Variants in COMMD10 observed in about 807,000 individuals in gnomAD.
The protein encoded by COMMD10 is COMM domain containing 10.
Under a neutral mutation model 28.9 loss-of-function variants are expected in COMMD10, and 33 were observed. The ratio of observed to expected loss-of-function variants is 1.14; its 90% CI spans 0.87 to 1.53. COMMD10 has a LOEUF of 1.53. COMMD10 is among the 40% of genes most tolerant of loss of function. COMMD10 has a pLI of 0.00. For synonymous variants in COMMD10, 110 were observed against 81.7 expected (o/e 1.35, Z -1.87); for missense variants, 310 against 233.4 (o/e 1.33, Z -2.14).
intron 5 of COMMD10, among the ~76,000 whole-genome samples, chr5:116,233,218 A>C (rs1580568741): frequency 6.6e-6 from 1 of 152,100 alleles, no homozygotes; most frequent in East Asian, 1.9e-4. Context: ...TGTGAGAGAG[A>C]AAGACTACAT....
intron 3 of COMMD10, among the ~76,000 whole-genome samples, chr5:116,091,512 G>C (rs747728188): frequency 1.3e-5 from 2 of 152,154 alleles, no homozygotes; most frequent in Admixed American, 6.5e-5. Flanking sequence ...AAGACATTTA[G>C]AAAAGAAGTA....
intron 5 of COMMD10, among the ~76,000 whole-genome samples, chr5:116,269,273 A>G (rs979065130): frequency 1.3e-5 from 2 of 151,784 alleles, no homozygotes; most frequent in Admixed American, 6.6e-5. Flanking sequence ...TGATCATAGT[A>G]TTTCTAGAGG....
chr5:116,092,732 CA>C lies in COMMD10; in HGVS notation c.399+34del, dbSNP rs1580437487. 4 of 1,439,810 alleles carry C rather than the reference CA, an allele frequency of 2.8e-6. No homozygotes were observed. The African/African-American group carries it at 4.3e-5, about 15-fold the overall frequency. 89.2% of individuals were successfully genotyped at this position (1,439,810 alleles called of 1,614,324 possible). A position where few individuals can be genotyped will look rare whatever the true frequency, so the allele number is the denominator to read the frequency against. On this transcript the variant is annotated intron_variant, in intron 4 of 6. Transcript: ENST00000274458. The stretch of plus-strand genomic sequence containing the variant: ...AACATACTGTCTTAAATATGTTTTT[CA>C]ATAACATATGGCATAAATTATTATA...
rs1446292879 is a variant in COMMD10, at chr5:116,291,504, T to C, written c.511-13T>C. On this transcript the variant is annotated splice_polypyrimidine_tract_variant and intron_variant, in intron 5 of 6. Transcript: ENST00000274458. ...TGCAACTACATTCTTTTTGTTGTTT[T>C]TCTTCCTTACAGAGCCTGGAGAAAG... The C allele has an allele frequency of 2.5e-6, 4 of 1,587,814 alleles. No individual in the cohort carries two copies. The highest frequency in any genetic ancestry group is 1.1e-5 in the South Asian group (1 of 87,170).
At position 116,273,649 on chromosome 5, in the gene COMMD10, C is replaced by T. The variant is rs191143938; in HGVS notation, c.511-17868C>T. On this transcript the variant is annotated intron_variant, in intron 5 of 6. Coordinates refer to ENST00000274458, the MANE Select transcript of COMMD10 (RefSeq NM_016144.4). ...AACATTAAACCAAATTGTGAAGCTT[C>T]GTTATGCTATGAGTCATTTCAGGCA... 1.8e-3 allele frequency among the ~76,000 whole-genome samples: 266 copies of T among 151,788 alleles called. 4 individuals are homozygous for T. Among genetic ancestry groups the T allele is most frequent in the African/African-American group, 6.1e-3 (251 of 41,234 alleles).
At chr5:116,219,469 T>C (rs888373547) in intron 5 of COMMD10, among the ~76,000 whole-genome samples, 1 of 152,062 alleles carries the variant, frequency 6.6e-6, no homozygotes, top group Non-Finnish European at 1.5e-5. Flanking sequence ...TAAATGTCCT[T>C]ATAAGAGAGA....
At chr5:116,140,563 C>G (rs1161826619) in intron 5 of COMMD10, among the ~76,000 whole-genome samples, 1 of 151,862 alleles carries the variant, frequency 6.6e-6, no homozygotes, top group Admixed American at 6.6e-5. Flanking sequence ...GTTCCCTTTT[C>G]TCCACATTCT....
intron 5 of COMMD10, among the ~76,000 whole-genome samples, chr5:116,226,932 C>T (rs1204554136): frequency 1.3e-5 from 2 of 151,976 alleles, no homozygotes; most frequent in African/African-American, 4.8e-5. Context: ...CTTTTTCAGA[C>T]GTTCTCCCAT....
intron 5 of COMMD10, among the ~76,000 whole-genome samples, chr5:116,263,300 A>C (rs1411707914): frequency 2.6e-5 from 4 of 151,742 alleles, no homozygotes; most frequent in African/African-American, 9.7e-5. Flanking sequence ...ACAAACCATA[A>C]ATTCTCATCA....
intron 5 of COMMD10, among the ~76,000 whole-genome samples, chr5:116,236,075 A>C (rs1270236342): frequency 6.6e-6 from 1 of 152,200 alleles, no homozygotes; most frequent in Admixed American, 6.5e-5. Flanking sequence ...AGAAAAGGAT[A>C]CATGTTATTG....
chr5:116,192,541 A>G (rs1240936874), intron 5 of COMMD10, among the ~76,000 whole-genome samples: 2 of 152,192 alleles, frequency 1.3e-5, no homozygotes, highest in Non-Finnish European at 2.9e-5. Flanking sequence ...AAGTCTCAAC[A>G]ATAGAATTGA....
intron 4 of COMMD10, among the ~76,000 whole-genome samples, chr5:116,112,619 C>T (rs1751088657): frequency 6.6e-6 from 1 of 152,124 alleles, no homozygotes; most frequent in Non-Finnish European, 1.5e-5. Context: ...TGTTCTCTAT[C>T]TCTTCACCTC....
chr5:116,279,956 C>G (rs1751028815), intron 5 of COMMD10, among the ~76,000 whole-genome samples: 1 of 151,818 alleles, frequency 6.6e-6, no homozygotes, highest in South Asian at 2.1e-4. Context: ...ATTGTGCAAA[C>G]TGATTAGGAC....
rs187312352 is a variant in COMMD10 at position 116,087,602 on chromosome 5, G to C, written c.132+15G>C. 3 of 1,523,154 alleles carry C rather than the reference G, an allele frequency of 2.0e-6. No individual in the cohort carries two copies. Among genetic ancestry groups the C allele is most frequent in the Middle Eastern group, 3.4e-4 (2 of 5,918 alleles). 94.4% of individuals were successfully genotyped at this position (1,523,154 alleles called of 1,614,324 possible). ...TTCACCTGAAGGTTTGTATTTGTGT[G>C]TTTCCATGCCTTGTAATCTTCCTTC... On this transcript the variant is annotated intron_variant, in intron 2 of 6. Transcript: ENST00000274458.
chr5:116,288,723 C>G (rs1751284843), intron 5 of COMMD10, among the ~76,000 whole-genome samples: 1 of 151,500 alleles, frequency 6.6e-6, no homozygotes, highest in African/African-American at 2.4e-5. Context: ...TGTTGAATAC[C>G]TCTAATAAGT....
In COMMD10 at chr5:116,272,796, A is replaced by G. The variant is rs369950529; in HGVS notation, c.511-18721A>G. Among the ~76,000 whole-genome samples the G allele has an allele frequency of 1.4e-4, 21 of 151,904 alleles. No homozygotes were observed. The East Asian group carries it at 1.5e-3, about 11-fold the overall frequency. The stretch of plus-strand genomic sequence containing the variant: ...GACAGTTTGCTGAACTTATTTCTCA[A>G]TCACAATCGTGTAAGCTGAACCAAT... On this transcript the variant is annotated intron_variant, in intron 5 of 6. Transcript: ENST00000274458.
At chr5:116,103,463 C>G (rs774050407) in intron 4 of COMMD10, among the ~76,000 whole-genome samples, 3 of 152,108 alleles carry the variant, frequency 2.0e-5, no homozygotes, top group Admixed American at 6.5e-5. Context: ...GCATAAATGT[C>G]TTCTTTTGAG....
intron 5 of COMMD10, among the ~76,000 whole-genome samples, chr5:116,163,357 G>A (rs889643843): frequency 1.3e-4 from 20 of 150,358 alleles, no homozygotes; most frequent in African/African-American, 5.0e-4. Context: ...GGCCGAGGCA[G>A]GTGGATCACC....
intron 2 of COMMD10, among the ~76,000 whole-genome samples, chr5:116,089,079 A>C (rs1190224073): frequency 2.6e-5 from 4 of 152,184 alleles, no homozygotes; most frequent in Non-Finnish European, 5.9e-5. Flanking sequence ...GTGGATGGAG[A>C]GAAAGGAGAA....
Sources: gnomAD v4.1 joint callset for allele counts (sites outside exome capture counted in the v4.1 genomes callset) on GRCh38, gnomAD v4.1.1 for gene constraint, MANE v1.5 for transcripts, NCBI Gene and HGNC (gene_info 2026-07-23, HGNC 2026-07-21) for gene names.